The following CAST variants were observed in gnomAD, a reference collection of about 807,000 sequenced individuals.
The protein encoded by CAST is calpastatin.
Under a neutral mutation model 119.6 loss-of-function variants are expected in CAST, and 76 were observed. The ratio of observed to expected loss-of-function variants is 0.64; its 90% CI spans 0.53 to 0.77. The LOEUF (loss-of-function observed/expected upper bound fraction) is 0.77, where lower values mean the gene tolerates loss of function less well. CAST is among the 30% of genes least tolerant of loss of function. CAST has a pLI of 0.00. For missense variants in CAST, 953 were observed against 946.5 expected (o/e 1.01, Z -0.09); for synonymous variants, 319 against 331.6 (o/e 0.96, Z 0.41).
At chr5:96,446,105 T>C in the CAST span, among the ~76,000 whole-genome samples, 39 of 150,332 alleles carry the variant, frequency 2.6e-4, no homozygotes, top group South Asian at 8.0e-3. Flanking sequence ...CCAAATGATA[T>C]AGTGACTCTC....
the CAST span, among the ~76,000 whole-genome samples, chr5:96,241,508 A>C: frequency 0.04 from 5,997 of 149,798 alleles, 165 homozygotes; most frequent in Non-Finnish European, 0.065. Flanking sequence ...ATTGTGAATA[A>C]TGCCGCAATA....
the CAST span, among the ~76,000 whole-genome samples, chr5:95,965,833 A>G: frequency 1.3e-5 from 2 of 152,236 alleles, no homozygotes; most frequent in African/African-American, 4.8e-5. Flanking sequence ...TAGTTAGGGC[A>G]TAGATTTTGT....
the CAST span, among the ~76,000 whole-genome samples, chr5:96,168,172 C>T: frequency 6.6e-6 from 1 of 151,934 alleles, no homozygotes; most frequent in South Asian, 2.1e-4. Flanking sequence ...GTGGGAGTGG[C>T]CAGATGAGAA....
the CAST span, among the ~76,000 whole-genome samples, chr5:96,008,830 A>T: frequency 7.2e-5 from 11 of 152,230 alleles, no homozygotes; most frequent in African/African-American, 2.4e-4. Context: ...TGTTTTTTAA[A>T]AACTTTATTT....
At chr5:96,629,066 C>A (rs1747773943) in intron 1 of CAST, among the ~76,000 whole-genome samples, 1 of 151,504 alleles carries the variant, frequency 6.6e-6, no homozygotes, top group Non-Finnish European at 1.5e-5. Flanking sequence ...AGTATTAATT[C>A]CTTATAAATG....
the CAST span, among the ~76,000 whole-genome samples, chr5:96,481,379 T>C: frequency 3.2e-3 from 489 of 152,322 alleles, 11 homozygotes; most frequent in Admixed American, 0.03. Flanking sequence ...ATAAATATGT[T>C]GATATCTAAT....
the CAST span, chr5:96,394,914 T>C: frequency 6.2e-7 from 1 of 1,614,084 alleles, no homozygotes; most frequent in South Asian, 1.1e-5. Flanking sequence ...TTCTGAACAG[T>C]GTTGTAGGAC....
At chr5:96,599,973 A>AAAAAAAAAAAAAAAAC (rs1319922230) in intron 1 of CAST, among the ~76,000 whole-genome samples, 1 of 90,084 alleles carries the variant, frequency 1.1e-5, no homozygotes, top group African/African-American at 3.0e-5. Context: ...AGGCAAAAAA[A>AAAAAAAAAAAAAAAAC]AAAAAAAAAA....
the CAST span, among the ~76,000 whole-genome samples, chr5:96,086,868 C>G: frequency 6.6e-6 from 1 of 152,186 alleles, no homozygotes. Flanking sequence ...CAAGTTACTA[C>G]TACTTAAAAT....
At chr5:96,667,622 C>T (rs554088242) in intron 1 of CAST, among the ~76,000 whole-genome samples, 21 of 152,268 alleles carry the variant, frequency 1.4e-4, no homozygotes, top group Admixed American at 7.8e-4. Flanking sequence ...TTAGAAAAAA[C>T]GAACACTTGG....
chr5:96,363,002 A>G, the CAST span, among the ~76,000 whole-genome samples: 1 of 151,172 alleles, frequency 6.6e-6, no homozygotes, highest in African/African-American at 2.4e-5. Flanking sequence ...ATATTGAATT[A>G]ATTTTTGTAT....
At chr5:96,765,719 T>C (rs774862047) in intron 26 of CAST, among the ~76,000 whole-genome samples, 1 of 152,132 alleles carries the variant, frequency 6.6e-6, no homozygotes. Context: ...AGTGAAACCA[T>C]ACAGAAAAAA....
At chr5:96,054,018 C>T in the CAST span, among the ~76,000 whole-genome samples, 54 of 151,804 alleles carry the variant, frequency 3.6e-4, 1 homozygote, top group Admixed American at 2.7e-3. Context: ...TATGTGTTGA[C>T]GTTTGATATT....
chr5:95,971,560 T>C, the CAST span, among the ~76,000 whole-genome samples: 1 of 152,198 alleles, frequency 6.6e-6, no homozygotes, highest in Non-Finnish European at 1.5e-5. Context: ...TTCTATTACC[T>C]CCTCGAAGGA....
chr5:96,452,956 CAAAA>C, the CAST span, among the ~76,000 whole-genome samples: 2 of 62,716 alleles, frequency 3.2e-5, no homozygotes, highest in South Asian at 6.4e-4. Context: ...GACTCCGTCT[CAAAA>C]AAAAAAAAAA....
the CAST span, among the ~76,000 whole-genome samples, chr5:96,107,543 A>G: frequency 6.6e-5 from 10 of 152,238 alleles, no homozygotes; most frequent in East Asian, 7.7e-4. Context: ...AGAATGTTGA[A>G]TACTGGCCCC....
chr5:96,648,706 TTATA>T (rs1308827858), intron 1 of CAST, among the ~76,000 whole-genome samples: 2 of 130,522 alleles, frequency 1.5e-5, no homozygotes, highest in Non-Finnish European at 3.3e-5. Flanking sequence ...GAAGTTTTAT[TTATA>T]TATATGCGTG....
the CAST span, among the ~76,000 whole-genome samples, chr5:96,383,942 T>C: frequency 2.0e-5 from 3 of 152,168 alleles, no homozygotes; most frequent in Non-Finnish European, 4.4e-5. Context: ...GTTGAGTTCA[T>C]AGACTTGTGA....
At chr5:96,056,111 T>C in the CAST span, among the ~76,000 whole-genome samples, 1 of 152,160 alleles carries the variant, frequency 6.6e-6, no homozygotes, top group Non-Finnish European at 1.5e-5. Context: ...CCCCTAGTTA[T>C]GTATACCTAA....
Sources: gnomAD v4.1 joint callset for allele counts (sites outside exome capture counted in the v4.1 genomes callset) on GRCh38, gnomAD v4.1.1 for gene constraint, MANE v1.5 for transcripts, NCBI Gene and HGNC (gene_info 2026-07-23, HGNC 2026-07-21) for gene names.